The following GOLPH3L variants were observed in gnomAD, a reference collection of about 807,000 sequenced individuals.
GOLPH3L encodes the protein golgi phosphoprotein 3 like.
In GOLPH3L, 22 loss-of-function variants were observed where a neutral mutation model predicts 30.3. The observed-to-expected ratio is 0.73, with a 90% CI of 0.52 to 1.04. The LOEUF (loss-of-function observed/expected upper bound fraction) is 1.04. GOLPH3L is among the 50% of genes least tolerant of loss of function. GOLPH3L has a pLI of 0.00. For synonymous variants in GOLPH3L, 120 were observed against 128.2 expected (o/e 0.94, Z 0.43); for missense variants, 303 against 345.8 (o/e 0.88, Z 0.98).
chr1:150,684,297 C>T (rs1651034009), intron 2 of GOLPH3L, among the ~76,000 whole-genome samples: 1 of 152,192 alleles, frequency 6.6e-6, no homozygotes, highest in Non-Finnish European at 1.5e-5. Context: ...CCTACTCTCA[C>T]AGAAAAATCT....
At chr1:150,679,961 T>A (rs587693077) in intron 2 of GOLPH3L, among the ~76,000 whole-genome samples, 9 of 151,780 alleles carry the variant, frequency 5.9e-5, no homozygotes, top group African/African-American at 1.9e-4. Context: ...AGAATAATAA[T>A]AAAAAAAAGA....
chr1:150,679,101 C>T (rs1247568631), intron 2 of GOLPH3L, among the ~76,000 whole-genome samples: 1 of 152,066 alleles, frequency 6.6e-6, no homozygotes, highest in Non-Finnish European at 1.5e-5. Context: ...TGTGAACCTT[C>T]ACAATTTTAA....
At chr1:150,671,417 T>C (rs759787823) in intron 2 of GOLPH3L, among the ~76,000 whole-genome samples, 3 of 152,278 alleles carry the variant, frequency 2.0e-5, no homozygotes, top group South Asian at 4.1e-4. Flanking sequence ...TAGTCAAGTA[T>C]TCAAAGTGCC....
At chr1:150,673,891 C>T (rs1423208393) in intron 2 of GOLPH3L, among the ~76,000 whole-genome samples, 1 of 145,582 alleles carries the variant, frequency 6.9e-6, no homozygotes, top group African/African-American at 2.5e-5. Context: ...TACCACTGTA[C>T]TCCAACCTGG....
At chr1:150,672,996 GT>G (rs959498653) in intron 2 of GOLPH3L, among the ~76,000 whole-genome samples, 22 of 148,196 alleles carry the variant, frequency 1.5e-4, no homozygotes, top group African/African-American at 3.7e-4. Flanking sequence ...CAGGGCTTCT[GT>G]TTTTTTTTTC....
At chr1:150,676,090 CAGCCTCCTAAGTAGCTGGAACT>C (rs1650770541) in intron 2 of GOLPH3L, among the ~76,000 whole-genome samples, 1 of 151,842 alleles carries the variant, frequency 6.6e-6, no homozygotes, top group Non-Finnish European at 1.5e-5. Flanking sequence ...CGTCTGGCCT[CAGCCTCCTAAGTAGCTGGAACT>C]ACCAGCGCAT....
chr1:150,658,290 C>T (rs1292082117), intron 4 of GOLPH3L, among the ~76,000 whole-genome samples: 2 of 152,212 alleles, frequency 1.3e-5, no homozygotes, highest in African/African-American at 4.8e-5. Context: ...GACAACCAGT[C>T]GCAATGAGTA....
intron 2 of GOLPH3L, among the ~76,000 whole-genome samples, chr1:150,668,127 A>G (rs1271935843): frequency 1.3e-5 from 2 of 152,142 alleles, no homozygotes; most frequent in African/African-American, 4.8e-5. Context: ...CTATTATATC[A>G]TATTGCAAAC....
chr1:150,658,624 T>C (rs1353713846), intron 4 of GOLPH3L, among the ~76,000 whole-genome samples: 1 of 152,232 alleles, frequency 6.6e-6, no homozygotes, highest in Admixed American at 6.5e-5. Flanking sequence ...ATGATTCTTA[T>C]GGAATCATTA....
Position 150,694,824 on chromosome 1 carries a change from A to T in GOLPH3L, c.15T>A (p.Thr5=), listed in dbSNP as rs1245327808. ...TTATTTCAGTGCGACGGGCCCGGTG[A>T]GTTAAAGTGGTCATTCTCACCTGTT... MTTL[T]HRARRTEISK... Residue 5 remains threonine (T), a synonymous_variant, in exon 2 of 5, where the codon ACT becomes ACA. Coordinates refer to ENST00000271732, the MANE Select transcript of GOLPH3L (RefSeq NM_018178.6). 1 of 1,607,598 alleles carries T rather than the reference A, an allele frequency of 6.2e-7. No individual in the cohort carries two copies. Among genetic ancestry groups the T allele is most frequent in the Non-Finnish European group, 8.5e-7 (1 of 1,177,468 alleles).
At chr1:150,652,402 A>C (rs1241098164) in intron 4 of GOLPH3L, among the ~76,000 whole-genome samples, 11 of 149,690 alleles carry the variant, frequency 7.3e-5, no homozygotes, top group Non-Finnish European at 1.5e-4. Context: ...AAAAAAAAAA[A>C]AAAAAACCCT....
At chr1:150,682,623 CAAAAAAAAAAAAAAAA>C (rs145118551) in intron 2 of GOLPH3L, among the ~76,000 whole-genome samples, 3 of 50,298 alleles carry the variant, frequency 6.0e-5, no homozygotes, top group Admixed American at 6.4e-4. Flanking sequence ...GACTCTTTCT[CAAAAAAAAAAAAAAAA>C]AAAAAAAAAA....
At chr1:150,681,408 A>C (rs2101810606) in intron 2 of GOLPH3L, among the ~76,000 whole-genome samples, 1 of 152,328 alleles carries the variant, frequency 6.6e-6, no homozygotes, top group East Asian at 1.9e-4. Flanking sequence ...GAGAATTCAG[A>C]GAATGTAAAG....
intron 4 of GOLPH3L, among the ~76,000 whole-genome samples, chr1:150,660,154 C>T (rs1408891308): frequency 4.6e-5 from 7 of 151,892 alleles, no homozygotes; most frequent in African/African-American, 1.7e-4. Flanking sequence ...AAAATATGCT[C>T]AATATTTTTA....
At chr1:150,665,975 T>C (rs1355863639) in intron 2 of GOLPH3L, among the ~76,000 whole-genome samples, 2 of 152,210 alleles carry the variant, frequency 1.3e-5, no homozygotes, top group African/African-American at 2.4e-5. Flanking sequence ...TTGAAGATAG[T>C]ATGCCCTCTT....
At chr1:150,650,299 A>G (rs199794525) in intron 4 of GOLPH3L, among the ~76,000 whole-genome samples, 1 of 127,710 alleles carries the variant, frequency 7.8e-6, no homozygotes, top group Non-Finnish European at 1.8e-5. Flanking sequence ...AGATAAAAAC[A>G]AGAAAATATG....
At chr1:150,653,356 C>T (rs1650170037) in intron 4 of GOLPH3L, among the ~76,000 whole-genome samples, 1 of 146,602 alleles carries the variant, frequency 6.8e-6, no homozygotes, top group Admixed American at 6.9e-5. Context: ...AGTGCAATGG[C>T]ATGATCTCAG....
Position 150,684,915 on chromosome 1 carries a change from G to A in GOLPH3L, c.183+9741C>T, listed in dbSNP as rs587616886. 1.1e-4 allele frequency among the ~76,000 whole-genome samples: 17 copies of A among 152,164 alleles called. No homozygotes were observed. The South Asian group carries it at 3.1e-3, about 28-fold the overall frequency. On this transcript the variant is annotated intron_variant, in intron 2 of 4. Coordinates refer to ENST00000271732, the MANE Select transcript of GOLPH3L (RefSeq NM_018178.6). ...ATTCCTGACCTCAGGTGATCCACCCGCCTCGGCCTCCCAAAGTGCTGGGAT... is the reference window on the plus strand; with the variant it reads ...ATTCCTGACCTCAGGTGATCCACCCACCTCGGCCTCCCAAAGTGCTGGGAT...
At chr1:150,688,658 G>C (rs1651144937) in intron 2 of GOLPH3L, among the ~76,000 whole-genome samples, 1 of 152,164 alleles carries the variant, frequency 6.6e-6, no homozygotes, top group Admixed American at 6.5e-5. Flanking sequence ...GGCTGAGGAA[G>C]CAGAATCGCT....
Sources: allele counts gnomAD v4.1 joint callset (sites outside exome capture counted in the v4.1 genomes callset), GRCh38; gene constraint gnomAD v4.1.1; transcripts MANE v1.5; gene names NCBI Gene and HGNC (gene_info 2026-07-23, HGNC 2026-07-21).